Variants in KIAA0319 observed in about 807,000 individuals in gnomAD.
KIAA0319 encodes KIAA0319, also known as dyslexia-associated protein KIAA0319.
A neutral mutation model predicts 108.4 loss-of-function variants in KIAA0319; 83 were observed. That is an observed-to-expected ratio of 0.77 (90% confidence interval 0.64 to 0.92). KIAA0319 has a LOEUF of 0.92. Among genes scored for constraint, KIAA0319 ranks in the 40% least tolerant of loss-of-function variants. The pLI is 0.00. For synonymous variants in KIAA0319, 484 were observed against 510.4 expected (o/e 0.95, Z 0.70); for missense variants, 1,195 against 1,322.4 (o/e 0.90, Z 1.49).
chr6:24,555,583 CT>C (rs1240623135), intron 18 of KIAA0319, among the ~76,000 whole-genome samples: 1 of 148,040 alleles, frequency 6.8e-6, no homozygotes, highest in Non-Finnish European at 1.5e-5. Flanking sequence ...TGGCTATTTT[CT>C]GATTTTTATA....
chr6:24,601,936 A>T (rs1770683009), intron 1 of KIAA0319, among the ~76,000 whole-genome samples: 1 of 151,886 alleles, frequency 6.6e-6, no homozygotes, highest in African/African-American at 2.4e-5. Flanking sequence ...TTTATATTTC[A>T]TCTGGCCATT....
chr6:24,607,782 T>A (rs1002197180), intron 1 of KIAA0319, among the ~76,000 whole-genome samples: 3 of 152,224 alleles, frequency 2.0e-5, no homozygotes, highest in Non-Finnish European at 4.4e-5. Context: ...ACAATTTTAG[T>A]TAAAAAATGA....
intron 10 of KIAA0319, among the ~76,000 whole-genome samples, chr6:24,573,594 A>G (rs932152511): frequency 7.9e-5 from 12 of 152,252 alleles, no homozygotes; most frequent in African/African-American, 2.7e-4. Context: ...CAATGCATAC[A>G]ATGTGAAAGG....
chr6:24,592,126 G>C (rs1276609890), intron 3 of KIAA0319, among the ~76,000 whole-genome samples: 2 of 152,014 alleles, frequency 1.3e-5, no homozygotes, highest in Admixed American at 1.3e-4. Flanking sequence ...AAAGATTTAT[G>C]CTGAGTTTTC....
chr6:24,635,636 C>A (rs1042220815), intron 1 of KIAA0319, among the ~76,000 whole-genome samples: 14 of 152,266 alleles, frequency 9.2e-5, no homozygotes, highest in Middle Eastern at 6.8e-3. Flanking sequence ...AACCCAAAAG[C>A]AGCTTACAGG....
At chr6:24,629,981 C>T (rs546835189) in intron 1 of KIAA0319, among the ~76,000 whole-genome samples, 56 of 151,788 alleles carry the variant, frequency 3.7e-4, no homozygotes, top group African/African-American at 1.3e-3. Flanking sequence ...GAGGTCAGGA[C>T]CAGCCTGGCC....
At chr6:24,631,011 T>G (rs567138363) in intron 1 of KIAA0319, among the ~76,000 whole-genome samples, 1 of 152,314 alleles carries the variant, frequency 6.6e-6, no homozygotes, top group South Asian at 2.1e-4. Flanking sequence ...CTGCATAGCA[T>G]TGTCCTACAG....
chr6:24,540,221 C>A (rs1323156988), downstream of KIAA0319, among the ~76,000 whole-genome samples: 7 of 151,750 alleles, frequency 4.6e-5, no homozygotes, highest in Non-Finnish European at 2.9e-5. Flanking sequence ...AGCATAGTCA[C>A]TTATTATATA....
intron 1 of KIAA0319, among the ~76,000 whole-genome samples, chr6:24,615,053 T>C (rs1305243629): frequency 2.6e-5 from 4 of 152,228 alleles, no homozygotes; most frequent in Non-Finnish European, 5.9e-5. Flanking sequence ...ATCTCCTGAA[T>C]AATTAAAAGT....
chr6:24,638,904 C>G (rs1776560170), intron 1 of KIAA0319, among the ~76,000 whole-genome samples: 1 of 152,108 alleles, frequency 6.6e-6, no homozygotes. Flanking sequence ...GAGAGTAGAT[C>G]TTAAATATTC....
chr6:24,598,086 C>T, intron 2 of KIAA0319: 1 of 436,452 alleles, frequency 2.3e-6, no homozygotes, highest in East Asian at 5.3e-5. Context: ...GCCACTCCTA[C>T]ACAAGCTGGC....
intron 1 of KIAA0319, among the ~76,000 whole-genome samples, chr6:24,613,541 C>T (rs945952521): frequency 6.6e-6 from 1 of 152,110 alleles, no homozygotes; most frequent in African/African-American, 2.4e-5. Flanking sequence ...TTACACTTCA[C>T]TCCTAGAAGC....
At chr6:24,580,435 G>T (rs1766320092) in intron 7 of KIAA0319, among the ~76,000 whole-genome samples, 1 of 152,174 alleles carries the variant, frequency 6.6e-6, no homozygotes, top group East Asian at 1.9e-4. Context: ...ACAGGTGAGG[G>T]GTTGGTGGAG....
At position 24,588,737 on chromosome 6, in the gene KIAA0319, A is replaced by G. The variant is rs1767959247; in HGVS notation, c.850T>C (p.Ser284Pro). 2 of 1,613,950 alleles carry G rather than the reference A, an allele frequency of 1.2e-6. No individual in the cohort carries two copies. Among genetic ancestry groups the G allele is most frequent in the Non-Finnish European group, 1.7e-6 (2 of 1,179,986 alleles). ...SLPPASLELS[S>P]VTVEKSPVLT... ...ACTGGGCTTTTCTCCACGGTGACTG[A>G]GCTGAGCTCCAGGCTTGCCGGAGGA... Residue 284 changes from serine (S) to proline (P), a missense_variant, in exon 4 of 21, where the codon TCA becomes CCA. Ser to Pro is a moderately conservative substitution (Grantham distance 74). Coordinates refer to ENST00000378214, the MANE Select transcript of KIAA0319 (RefSeq NM_014809.4).
chr6:24,629,109 T>C (rs534323764), intron 1 of KIAA0319, among the ~76,000 whole-genome samples: 21 of 152,278 alleles, frequency 1.4e-4, no homozygotes, highest in Admixed American at 1.4e-3. Context: ...CAGTATTTTC[T>C]AAGTTTAAGG....
intron 1 of KIAA0319, among the ~76,000 whole-genome samples, chr6:24,630,798 T>C (rs891859274): frequency 1.3e-4 from 20 of 152,084 alleles, no homozygotes; most frequent in African/African-American, 3.9e-4. Flanking sequence ...TTCATTGTTA[T>C]ATTTTTTATA....
rs201580156 is a variant in KIAA0319, at chr6:24,596,114, A to G, written c.560T>C (p.Leu187Pro). 1,067 of 1,613,750 alleles carry G rather than the reference A, an allele frequency of 6.6e-4. 19 individuals are homozygous for G. The Admixed American group carries it at 0.017, about 26-fold the overall frequency. The change falls in exon 3 of 21, where the codon CTA becomes CCA. Residue 187 changes from leucine to proline, a missense_variant. By Grantham distance (98) the Leu-to-Pro change is moderately conservative. Transcript: ENST00000378214. ...GAAGGCCCCCTCGCTGCCCGGCAGT[A>G]GGCCCCAGTCCGTGTACTCGGCACT... ...RGSAEYTDWGLLPGSEGAFNS... is the reference protein window; with the variant it reads ...RGSAEYTDWGPLPGSEGAFNS...
At chr6:24,642,756 T>C (rs1777136428) in intron 1 of KIAA0319, among the ~76,000 whole-genome samples, 1 of 151,916 alleles carries the variant, frequency 6.6e-6, no homozygotes, top group African/African-American at 2.4e-5. Context: ...TCTTGCTCTG[T>C]GGCCCAGGCT....
At chr6:24,613,710 T>C (rs995506746) in intron 1 of KIAA0319, among the ~76,000 whole-genome samples, 1 of 151,408 alleles carries the variant, frequency 6.6e-6, no homozygotes, top group African/African-American at 2.4e-5. Flanking sequence ...GGGAAAGACC[T>C]AGAAAACAAA....
Sources: allele counts gnomAD v4.1 joint callset (sites outside exome capture counted in the v4.1 genomes callset), GRCh38; gene constraint gnomAD v4.1.1; transcripts MANE v1.5; gene names NCBI Gene and HGNC (gene_info 2026-07-23, HGNC 2026-07-21).